ME3: variants seen among roughly 807,000 people sequenced by gnomAD.
ME3 encodes the protein malic enzyme 3, also known as NADP-dependent malic enzyme, mitochondrial.
A neutral mutation model predicts 68.9 loss-of-function variants in ME3; 48 were observed. That is an observed-to-expected ratio of 0.70 (90% CI 0.55 to 0.89). The LOEUF (loss-of-function observed/expected upper bound fraction) is 0.89. ME3 is among the 40% of genes least tolerant of loss of function. ME3 has a pLI of 0.00. For synonymous variants in ME3, 320 were observed against 318.8 expected, an observed-to-expected ratio of 1.00 and a Z score of -0.04; for missense variants, 675 against 797.4, an observed-to-expected ratio of 0.85 and a Z score of 1.85.
chr11:86,459,931 G>A (rs1950148624), intron 8 of ME3, among the ~76,000 whole-genome samples: 1 of 152,224 alleles, frequency 6.6e-6, no homozygotes, highest in Admixed American at 6.5e-5. Flanking sequence ...GGCTTTCCTG[G>A]CTCCAGCCAT....
intron 4 of ME3, among the ~76,000 whole-genome samples, chr11:86,512,508 T>G (rs503583): frequency 0.097 from 14,733 of 152,204 alleles, 983 homozygotes; most frequent in East Asian, 0.26. Context: ...ATGGATACAT[T>G]AAAGATGATA....
intron 5 of ME3, among the ~76,000 whole-genome samples, 167 bp downstream of exon 5, chr11:86,508,625 C>T (rs552035467): frequency 6.6e-6 from 1 of 152,306 alleles, no homozygotes; most frequent in East Asian, 1.9e-4. Flanking sequence ...AACCTCTGCT[C>T]TGTGGTGTAT....
intron 5 of ME3, among the ~76,000 whole-genome samples, chr11:86,507,434 C>G (rs1308099316): frequency 1.3e-5 from 2 of 152,086 alleles, no homozygotes; most frequent in Non-Finnish European, 2.9e-5. Context: ...GTGATGTGAG[C>G]ATTGGCCTTG....
In ME3 at chr11:86,448,171, C is replaced by G. The variant is rs199519119; in HGVS notation, c.1216G>C (p.Val406Leu). 8.7e-6 allele frequency: 14 copies of G among 1,613,724 alleles called. No homozygotes were observed. Among genetic ancestry groups the G allele is most frequent in the Non-Finnish European group, 1.2e-5 (14 of 1,179,768 alleles). The change falls in exon 11 of 15, where the codon GTG becomes CTG. Residue 406 changes from valine to leucine, a missense_variant. Physicochemically the swap from Val to Leu is conservative, Grantham distance 32. Transcript: ENST00000543262. The stretch of plus-strand genomic sequence containing the variant: ...CTACCTATGATGGCTGTGGGCTTCA[C>G]CAGCCTCACCACCTCCTCCAGGGAG...
intron 2 of ME3, among the ~76,000 whole-genome samples, chr11:86,629,650 G>A (rs1316478357): frequency 6.6e-6 from 1 of 152,146 alleles, no homozygotes; most frequent in African/African-American, 2.4e-5. Flanking sequence ...ACTGTCTTGG[G>A]TATCTTCTGT....
At chr11:86,645,912 G>A (rs568739586) in intron 2 of ME3, among the ~76,000 whole-genome samples, 2 of 152,312 alleles carry the variant, frequency 1.3e-5, no homozygotes, top group African/African-American at 2.4e-5. Flanking sequence ...GGCAAACAGG[G>A]TCTGGAGTGG....
intron 2 of ME3, among the ~76,000 whole-genome samples, chr11:86,649,452 A>C (rs149953878): frequency 6.6e-6 from 1 of 152,230 alleles, no homozygotes; most frequent in Non-Finnish European, 1.5e-5. Flanking sequence ...TAATATTGAC[A>C]GTTCTGGCCA....
chr11:86,629,595 A>G (rs572522098), intron 2 of ME3, among the ~76,000 whole-genome samples: 5 of 152,280 alleles, frequency 3.3e-5, no homozygotes, highest in East Asian at 1.9e-4. Context: ...CAGAGAAAAC[A>G]TATCAGCCAG....
chr11:86,559,422 A>G (rs1957090778), intron 3 of ME3, among the ~76,000 whole-genome samples: 1 of 151,874 alleles, frequency 6.6e-6, no homozygotes, highest in Non-Finnish European at 1.5e-5. Context: ...AGCTTCTACC[A>G]CTTCCCAGAG....
chr11:86,598,455 A>C (rs2139709375), intron 2 of ME3, among the ~76,000 whole-genome samples: 1 of 152,334 alleles, frequency 6.6e-6, no homozygotes, highest in East Asian at 1.9e-4. Context: ...GGAAGCTCAA[A>C]CTGGGTGGAG....
chr11:86,464,096 G>C (rs1412550058), intron 8 of ME3: 1 of 451,884 alleles, frequency 2.2e-6, no homozygotes, highest in Admixed American at 2.4e-5. Flanking sequence ...TTGAAGAAAA[G>C]TTGTGACCTC....
intron 2 of ME3, among the ~76,000 whole-genome samples, chr11:86,615,165 GCTT>G (rs1942870257): frequency 6.6e-6 from 1 of 152,046 alleles, no homozygotes; most frequent in Non-Finnish European, 1.5e-5. Context: ...ATCTTAGTGA[GCTT>G]CTAGCCACAT....
chr11:86,570,338 G>T (rs1057165598), intron 2 of ME3, among the ~76,000 whole-genome samples: 7 of 152,122 alleles, frequency 4.6e-5, no homozygotes, highest in Non-Finnish European at 8.8e-5. Flanking sequence ...GAGCTGTTAG[G>T]GGACCAGGAG....
intron 6 of ME3, among the ~76,000 whole-genome samples, chr11:86,494,120 A>G (rs1952169348): frequency 6.6e-6 from 1 of 151,900 alleles, no homozygotes; most frequent in Admixed American, 6.5e-5. Context: ...AAAAATCACC[A>G]TCTTCCTAAT....
At chr11:86,560,704 ATGTGTG>A (rs71040244) in intron 2 of ME3, among the ~76,000 whole-genome samples, 36,696 of 101,930 alleles carry the variant, frequency 0.36, 6,131 homozygotes, top group Non-Finnish European at 0.44. Context: ...ATATAATGAT[ATGTGTG>A]TGTGTGTGTG....
intron 2 of ME3, among the ~76,000 whole-genome samples, chr11:86,612,424 A>G (rs10898513): frequency 0.39 from 59,584 of 151,994 alleles, 12,375 homozygotes; most frequent in East Asian, 0.7. Context: ...TTGGGTATAT[A>G]TCCAGTAATG....
At chr11:86,549,833 G>A (rs1463984692) in intron 4 of ME3, among the ~76,000 whole-genome samples, 2 of 152,198 alleles carry the variant, frequency 1.3e-5, no homozygotes. Context: ...AATGAGATGA[G>A]GGGGCTTGGG....
At chr11:86,634,443 T>A (rs555544927) in intron 2 of ME3, among the ~76,000 whole-genome samples, 2 of 152,320 alleles carry the variant, frequency 1.3e-5, no homozygotes, top group South Asian at 4.1e-4. Context: ...CTTCCCAGTT[T>A]TCTTAGCTCA....
chr11:86,672,169 C>G, intron 1 of ME3, 155 bp downstream of exon 1: 1 of 448,254 alleles, frequency 2.2e-6, no homozygotes, highest in East Asian at 3.6e-5. Context: ...CCAGGCAAAG[C>G]GAAACCAAGC....
Sources: allele counts gnomAD v4.1 joint callset (sites outside exome capture counted in the v4.1 genomes callset), GRCh38; gene constraint gnomAD v4.1.1; transcripts MANE v1.5; gene names NCBI Gene and HGNC (gene_info 2026-07-23, HGNC 2026-07-21).